DYSF: variants seen among roughly 807,000 people sequenced by gnomAD.
DYSF encodes the protein dysferlin, also known as dystrophy-associated fer-1-like 1.
Under a neutral mutation model 274.9 loss-of-function variants are expected in DYSF, and 212 were observed. That is an observed-to-expected ratio of 0.77 (90% CI 0.69 to 0.86). The LOEUF (loss-of-function observed/expected upper bound fraction) is 0.86, where lower values mean the gene tolerates loss of function less well. DYSF is among the 40% of genes least tolerant of loss of function. The pLI is 0.00. For synonymous variants in DYSF, 1,091 were observed against 1,078.7 expected (o/e 1.01, Z -0.22); for missense variants, 2,666 against 2,783.2 (o/e 0.96, Z 0.95).
At chr2:71,543,003 C>T (rs2090074581) in intron 17 of DYSF, among the ~76,000 whole-genome samples, 1 of 151,334 alleles carries the variant, frequency 6.6e-6, no homozygotes, top group Admixed American at 6.6e-5. Flanking sequence ...ACGGGGGCTG[C>T]CCCCCACCTC....
chr2:71,682,382 C>G, intron 54 of DYSF, 148 bp from the exon 55 acceptor site: 1 of 957,748 alleles, frequency 1.0e-6, no homozygotes, highest in East Asian at 2.5e-5. Context: ...ATGCAAGGTG[C>G]AAAGGGCTAG....
chr2:71,622,121 G>T (rs1338961888), intron 41 of DYSF, among the ~76,000 whole-genome samples: 1 of 66,352 alleles, frequency 1.5e-5, no homozygotes, highest in African/African-American at 4.2e-5. Context: ...CCATTCAGAT[G>T]ATTTCTTTGT....
chr2:71,522,091 G>A (rs1282389484), intron 12 of DYSF, among the ~76,000 whole-genome samples: 1 of 151,394 alleles, frequency 6.6e-6, no homozygotes, highest in Non-Finnish European at 1.5e-5. Context: ...TCCTCTTTCT[G>A]GTCTCTTCTC....
At chr2:71,551,863 G>T in intron 19 of DYSF, 143 bp downstream of exon 19, 1 of 640,642 alleles carries the variant, frequency 1.6e-6, no homozygotes, top group Non-Finnish European at 2.8e-6. Context: ...CGGGCCTCAA[G>T]TCTCAGCTGT....
chr2:71,490,041 T>A (rs1295368811), intron 3 of DYSF, among the ~76,000 whole-genome samples: 1 of 152,216 alleles, frequency 6.6e-6, no homozygotes, highest in Non-Finnish European at 1.5e-5. Flanking sequence ...AGGATCCATA[T>A]AGATGCACTT....
chr2:71,657,969 A>G (rs2094804287), intron 43 of DYSF, among the ~76,000 whole-genome samples: 1 of 152,134 alleles, frequency 6.6e-6, no homozygotes, highest in Admixed American at 6.5e-5. Flanking sequence ...GCTGGCTTGA[A>G]TTTCTTCTCA....
At position 71,555,988 on chromosome 2, in the gene DYSF, C is replaced by A; in HGVS notation, c.2133C>A (p.His711Gln). 6.4e-7 allele frequency: 1 copy of A among 1,567,974 alleles called. No homozygotes were observed. Among genetic ancestry groups the A allele is most frequent in the Non-Finnish European group, 8.6e-7 (1 of 1,156,202 alleles). The change falls in exon 22 of 56, where the codon CAC becomes CAA. Residue 711 changes from histidine to glutamine, a missense_variant. Physicochemically the swap from His to Gln is conservative, Grantham distance 24 (BLOSUM62 0). Around this residue, in one of 3 missense-constraint regions of DYSF, gnomAD observed 412 missense variants for 504.0 expected, o/e 0.82. Coordinates refer to ENST00000410020, the MANE Select transcript of DYSF (RefSeq NM_001130987.2). The part of the protein sequence containing the change: ...DRLEAGLEQV[H>Q]LALKAQCSTE... ...AGGAAGCTGGCCTGGAGCAGGTCCACCTGGCCCTGAAGGCGCAGTGCTCCA... is the reference window on the plus strand; with the variant it reads ...AGGAAGCTGGCCTGGAGCAGGTCCAACTGGCCCTGAAGGCGCAGTGCTCCA...
chr2:71,558,944 A>C (rs2091527948), intron 22 of DYSF, among the ~76,000 whole-genome samples: 1 of 152,112 alleles, frequency 6.6e-6, no homozygotes, highest in Non-Finnish European at 1.5e-5. Context: ...ATCACAGCTG[A>C]TAGGCAGAGC....
At chr2:71,481,787 A>C in intron 2 of DYSF, 92 bp from the exon 3 acceptor site, 1 of 962,514 alleles carries the variant, frequency 1.0e-6, no homozygotes, top group Non-Finnish European at 1.7e-6. Flanking sequence ...ATGAATGCCT[A>C]CTCAGTGCCC....
intron 16 of DYSF, 118 bp from the exon 17 acceptor site, chr2:71,539,039 G>A (rs1270344401): frequency 1.1e-5 from 9 of 837,736 alleles, no homozygotes; most frequent in East Asian, 4.9e-5. Context: ...GACCAGAAGC[G>A]CTCTCTGCCT....
At position 71,496,552 on chromosome 2, in the gene DYSF, G is replaced by T. The variant is rs140623458; in HGVS notation, c.240-6662G>T. Among the ~76,000 whole-genome samples the T allele has an allele frequency of 9.4e-3, 1,430 of 152,262 alleles. 26 individuals are homozygous for T. Among genetic ancestry groups the T allele is most frequent in the African/African-American group, 0.033 (1,366 of 41,548 alleles). On this transcript the variant is annotated intron_variant, in intron 3 of 55. Coordinates refer to ENST00000410020, the MANE Select transcript of DYSF (RefSeq NM_001130987.2). ...GTAGACATATAGCTGTCTATGTACC[G>T]ACATAGACGGTAGGGGCTGTCCTGA...
chr2:71,474,957 G>A (rs1024322428), intron 1 of DYSF, among the ~76,000 whole-genome samples: 2 of 152,164 alleles, frequency 1.3e-5, no homozygotes, highest in African/African-American at 4.8e-5. Context: ...AAGTGGACAC[G>A]TAGCTTGCAT....
Position 71,674,302 on chromosome 2 carries a change from C to G in DYSF, c.5884+6C>G, listed in dbSNP as rs144355449. On this transcript the variant is annotated splice_donor_region_variant and intron_variant, in intron 52 of 55. Transcript: ENST00000410020. ...CTCCTTTGATGATTTTCTGGGTAAG[C>G]GCTATTGCTAGAATCCCATTCTGCA... 1.2e-6 allele frequency: 2 copies of G among 1,613,754 alleles called. No individual in the cohort carries two copies. Among genetic ancestry groups the G allele is most frequent in the East Asian group, 4.5e-5 (2 of 44,886 alleles).
intron 33 of DYSF, 56 bp from the exon 34 acceptor site, chr2:71,600,646 C>T: frequency 6.2e-7 from 1 of 1,612,618 alleles, no homozygotes; most frequent in Non-Finnish European, 8.5e-7. Flanking sequence ...CTCTCTGAGG[C>T]TCCCTAGAGC....
intron 37 of DYSF, 48 bp downstream of exon 37, chr2:71,611,394 C>T (rs1358016185): frequency 3.1e-6 from 5 of 1,613,934 alleles, no homozygotes; most frequent in Non-Finnish European, 4.2e-6. Flanking sequence ...GCCTGCCCTT[C>T]CCCTTCCTGG....
Position 71,682,531 on chromosome 2 carries a change from C to G in DYSF, c.6175C>G (p.Arg2059Gly). 6.2e-7 allele frequency: 1 copy of G among 1,614,078 alleles called. No homozygotes were observed. The highest frequency in any genetic ancestry group is 1.3e-5 in the African/African-American group (1 of 75,020). ...NMNPKLEDPR[R>G]PDTSFLWFTS... ...TGACCTCCGGGATCTCGCTTCCAGG[C>G]GCCCCGACACCTCCTTCCTGTGGTT... Residue 2059 changes from arginine (R) to glycine (G), a missense_variant and splice_region_variant, in exon 55 of 56, where the codon CGC becomes GGC. Arg to Gly is a moderately radical substitution (Grantham distance 125). Around this residue, in one of 3 missense-constraint regions of DYSF, gnomAD observed 1,460 missense variants for 1,502.1 expected, o/e 0.97. Transcript: ENST00000410020.
chr2:71,590,666 A>G (rs1395793407), intron 32 of DYSF, among the ~76,000 whole-genome samples: 1 of 152,078 alleles, frequency 6.6e-6, no homozygotes, highest in Non-Finnish European at 1.5e-5. Context: ...GGGTCCCCCA[A>G]CTTCTCCACC....
At chr2:71,660,698 T>A (rs1289751751) in intron 45 of DYSF, 47 bp downstream of exon 45, 2 of 1,516,972 alleles carry the variant, frequency 1.3e-6, no homozygotes, top group Middle Eastern at 1.8e-4. Flanking sequence ...CCAGACAGGA[T>A]AACCCACAGT....
At chr2:71,500,834 A>T (rs181284658) in intron 3 of DYSF, among the ~76,000 whole-genome samples, 6 of 152,134 alleles carry the variant, frequency 3.9e-5, no homozygotes, top group Admixed American at 2.6e-4. Context: ...GGGGATTGAC[A>T]GGGAACCTAG....
Sources: allele counts gnomAD v4.1 joint callset (sites outside exome capture counted in the v4.1 genomes callset), GRCh38; gene constraint gnomAD v4.1.1; regional missense constraint gnomAD v4.1.1; transcripts MANE v1.5; gene names NCBI Gene and HGNC (gene_info 2026-07-23, HGNC 2026-07-21).